The following SFMBT1 variants were observed in gnomAD, a reference collection of about 807,000 sequenced individuals.
SFMBT1 encodes scm-like with four MBT domains protein 1.
A neutral mutation model predicts 108.7 loss-of-function variants in SFMBT1; 32 were observed. The observed-to-expected ratio is 0.29, with a 90% confidence interval of 0.22 to 0.40. SFMBT1 has a LOEUF of 0.40. Ranked by LOEUF, SFMBT1 falls within the 10% of genes least tolerant of loss-of-function variation. The pLI, the probability that SFMBT1 is intolerant of heterozygous loss-of-function variation, is 1.00. For synonymous variants in SFMBT1, 348 were observed against 369.5 expected, an observed-to-expected ratio of 0.94 and a Z score of 0.67; for missense variants, 816 against 1,059.6, an observed-to-expected ratio of 0.77 and a Z score of 3.19.
At chr3:53,016,884 T>C (rs542255856) in intron 1 of SFMBT1, among the ~76,000 whole-genome samples, 13 of 152,346 alleles carry the variant, frequency 8.5e-5, no homozygotes, top group African/African-American at 3.1e-4. Context: ...TCTTCGCTTA[T>C]TGTTTTGCCT....
intron 1 of SFMBT1, among the ~76,000 whole-genome samples, chr3:53,012,416 T>TC (rs1559549005): frequency 2.6e-5 from 4 of 151,814 alleles, no homozygotes; most frequent in Middle Eastern, 3.4e-3. Context: ...TTTTTTTTTT[T>TC]TCCCGAGACG....
intron 10 of SFMBT1, among the ~76,000 whole-genome samples, chr3:52,925,642 C>A (rs1702637966): frequency 6.6e-6 from 1 of 152,170 alleles, no homozygotes; most frequent in Non-Finnish European, 1.5e-5. Flanking sequence ...ACCTTCTAAG[C>A]CTTTTACTGC....
Position 52,921,742 on chromosome 3 carries a change from A to C in SFMBT1, c.1221T>G (p.Thr407=), listed in dbSNP as rs1218550602. Residue 407 remains threonine (T), a synonymous_variant, in exon 11 of 21, where the codon ACT becomes ACG. Coordinates refer to ENST00000394752, the MANE Select transcript of SFMBT1 (RefSeq NM_016329.4). ...GCCACAGGTAGGAGCCTCTCACTGC[A>C]GTGATGGTAGCAACACACACTTCTT... The part of the protein sequence containing the change: ...LPEEVCVATI[T]AVRGSYLWLQ... The C allele has an allele frequency of 3.1e-6, 5 of 1,614,172 alleles. No individual in the cohort carries two copies. The highest frequency in any genetic ancestry group is 4.2e-6 in the Non-Finnish European group (5 of 1,180,034).
chr3:52,972,333 C>T (rs1050297957), intron 1 of SFMBT1, among the ~76,000 whole-genome samples: 5 of 152,106 alleles, frequency 3.3e-5, no homozygotes, highest in African/African-American at 4.8e-5. Context: ...TAGATTTTAG[C>T]CAATGAGCAA....
chr3:53,017,106 T>C (rs752525032), intron 1 of SFMBT1, among the ~76,000 whole-genome samples: 1 of 152,196 alleles, frequency 6.6e-6, no homozygotes, highest in Non-Finnish European at 1.5e-5. Context: ...AGTATACAAA[T>C]ATACAGTAAT....
At chr3:52,963,243 C>T (rs982245286) in intron 2 of SFMBT1, among the ~76,000 whole-genome samples, 3 of 152,034 alleles carry the variant, frequency 2.0e-5, no homozygotes, top group African/African-American at 7.2e-5. Context: ...GGTCCGCCCG[C>T]CTCGCCCTTC....
At chr3:53,005,050 G>A (rs1165487766) in intron 1 of SFMBT1, among the ~76,000 whole-genome samples, 1 of 152,150 alleles carries the variant, frequency 6.6e-6, no homozygotes, top group Non-Finnish European at 1.5e-5. Flanking sequence ...GAAAAGTCAG[G>A]AGTTCTTTTT....
At chr3:52,910,860 A>G (rs990833543) in intron 17 of SFMBT1, 143 bp downstream of exon 17, 1 of 671,004 alleles carries the variant, frequency 1.5e-6, no homozygotes, top group Non-Finnish European at 2.6e-6. Context: ...ATGACCCACA[A>G]CATGAAATAT....
chr3:53,037,789 A>G lies in SFMBT1; in HGVS notation c.-131+8027T>C, dbSNP rs559019128. Among the ~76,000 whole-genome samples, 4 of 152,286 alleles carry G rather than the reference A, an allele frequency of 2.6e-5. No homozygotes were observed. In the East Asian group the frequency reaches 7.7e-4, roughly 29 times the overall value. ...AGAAGTTTTGAGACCAGGTTGGACA[A>G]CACTGAGAGACCCCATCTCTACAAA... is the stretch of plus-strand genomic sequence containing the variant. On this transcript the variant is annotated intron_variant, in intron 1 of 20. Transcript: ENST00000394752.
intron 1 of SFMBT1, chr3:53,019,117 T>G (rs1699217282): frequency 6.6e-6 from 1 of 152,124 alleles, no homozygotes; most frequent in Admixed American, 6.6e-5. Context: ...CAGTGAGACT[T>G]CGTTTCTACA....
chr3:52,931,064 G>A lies in SFMBT1; in HGVS notation c.701-29C>T, dbSNP rs768291017. The A allele has an allele frequency of 5.7e-6, 9 of 1,576,768 alleles. 1 individual carries two copies. The East Asian group carries it at 1.3e-4, about 24-fold the overall frequency. The stretch of plus-strand genomic sequence containing the variant: ...TAATAAAACATGACAACATGCTTTA[G>A]ATGATGAGAAACTTATACTTTTTAC... On this transcript the variant is annotated intron_variant, in intron 6 of 20. Transcript: ENST00000394752.
chr3:52,934,582 T>C (rs924169718), intron 5 of SFMBT1, among the ~76,000 whole-genome samples: 1 of 152,076 alleles, frequency 6.6e-6, no homozygotes, highest in Non-Finnish European at 1.5e-5. Context: ...TAAAAGAATC[T>C]GGGAAATTAG....
At chr3:52,956,041 C>T (rs532483168) in intron 2 of SFMBT1, among the ~76,000 whole-genome samples, 12 of 152,324 alleles carry the variant, frequency 7.9e-5, no homozygotes, top group African/African-American at 2.6e-4. Flanking sequence ...AAATGCAAGG[C>T]TGGTTCAACA....
At chr3:52,939,477 G>C (rs926054072) in intron 4 of SFMBT1, among the ~76,000 whole-genome samples, 1 of 152,180 alleles carries the variant, frequency 6.6e-6, no homozygotes, top group African/African-American at 2.4e-5. Context: ...AGGAGGCTGA[G>C]GCAGAAGAAC....
chr3:53,042,120 T>C lies in SFMBT1; in HGVS notation c.-131+3696A>G, dbSNP rs550835812. Among the ~76,000 whole-genome samples, 12 of 152,356 alleles carry C rather than the reference T, an allele frequency of 7.9e-5. No homozygotes were observed. In the South Asian group the frequency reaches 2.5e-3, roughly 32 times the overall value. ...AAATGTCTGCCTAAATAATGGCCTT[T>C]TGGTTTTTGGACTGTATCTATTTAC... On this transcript the variant is annotated intron_variant, in intron 1 of 20. Transcript: ENST00000394752.
At chr3:52,958,144 G>A (rs1703839670) in intron 2 of SFMBT1, among the ~76,000 whole-genome samples, 1 of 151,976 alleles carries the variant, frequency 6.6e-6, no homozygotes. Flanking sequence ...TTAAAAAGCG[G>A]ACAAAGGACA....
In SFMBT1 at chr3:52,934,917, A is replaced by G. The variant is rs367958217; in HGVS notation, c.365-16T>C. On this transcript the variant is annotated splice_polypyrimidine_tract_variant and intron_variant, in intron 4 of 20. Transcript: ENST00000394752. ...TCTCTGATGCCTAGATGAGGGAATA[A>G]ATGACTGATTACTCAAAATGCCAGC... The G allele has an allele frequency of 6.2e-7, 1 of 1,603,558 alleles. No homozygotes were observed. The highest frequency in any genetic ancestry group is 1.3e-5 in the African/African-American group (1 of 74,680).
chr3:52,956,700 G>A (rs1054845298), intron 2 of SFMBT1, among the ~76,000 whole-genome samples: 1 of 152,170 alleles, frequency 6.6e-6, no homozygotes, highest in African/African-American at 2.4e-5. Context: ...GGTGGAGGTT[G>A]CCGTGAGCCG....
Position 52,904,870 on chromosome 3 carries a change from A to T in SFMBT1, c.*266T>A. On this transcript the variant is annotated 3_prime_UTR_variant, in exon 21 of 21. Transcript: ENST00000394752. ...CCACTGGAAATGCTTTTCTTCTTAT[A>T]TAAGTCTTTTCCTCACAACCTTTAT... 1 of 343,556 alleles carries T rather than the reference A, an allele frequency of 2.9e-6. No individual in the cohort carries two copies. The highest frequency in any genetic ancestry group is 5.2e-6 in the Non-Finnish European group (1 of 190,890). 21.3% of individuals were successfully genotyped at this position (343,556 alleles called of 1,614,324 possible).
Sources: allele counts gnomAD v4.1 joint callset (sites outside exome capture counted in the v4.1 genomes callset), GRCh38; gene constraint gnomAD v4.1.1; transcripts MANE v1.5; gene names NCBI Gene and HGNC (gene_info 2026-07-23, HGNC 2026-07-21).